The following CLYBL variants were observed in gnomAD, a reference collection of about 807,000 sequenced individuals.
CLYBL encodes the protein citramalyl-CoA lyase.
A neutral mutation model predicts 38.9 loss-of-function variants in CLYBL; 31 were observed. The ratio of observed to expected loss-of-function variants is 0.80; its 90% CI spans 0.60 to 1.08. The LOEUF (loss-of-function observed/expected upper bound fraction) is 1.08, where lower values mean the gene tolerates loss of function less well. Among genes scored for constraint, CLYBL ranks in the 50% least tolerant of loss-of-function variants. The probability of loss-of-function intolerance (pLI) is 0.00; values close to 1 mark genes in which losing one functional copy is unlikely to be tolerated. For missense variants in CLYBL, 434 were observed against 411.6 expected (o/e 1.05, Z -0.47); for synonymous variants, 171 against 158.6 (o/e 1.08, Z -0.59).
chr13:99,743,095 T>C (rs1305512548), intron 1 of CLYBL, among the ~76,000 whole-genome samples: 2 of 151,934 alleles, frequency 1.3e-5, no homozygotes, highest in African/African-American at 2.4e-5. Context: ...ACAGAGAGAT[T>C]GCTGCTGACC....
intron 1 of CLYBL, among the ~76,000 whole-genome samples, chr13:99,679,969 C>T (rs2047710881): frequency 6.6e-6 from 1 of 152,034 alleles, no homozygotes; most frequent in South Asian, 2.1e-4. Context: ...TATTAAATGA[C>T]CATATTACCT....
intron 4 of CLYBL, among the ~76,000 whole-genome samples, chr13:99,864,247 A>G (rs148645614): frequency 8.5e-5 from 13 of 152,304 alleles, no homozygotes; most frequent in Non-Finnish European, 1.8e-4. Context: ...TCCACCTTTC[A>G]AGATTCACGG....
At chr13:99,809,425 C>T (rs2050296745) in intron 2 of CLYBL, among the ~76,000 whole-genome samples, 2 of 152,198 alleles carry the variant, frequency 1.3e-5, no homozygotes, top group African/African-American at 4.8e-5. Context: ...AGTCCAGAGG[C>T]ACTTCATTTG....
chr13:99,708,724 T>C (rs1343332905), intron 1 of CLYBL, among the ~76,000 whole-genome samples: 1 of 152,186 alleles, frequency 6.6e-6, no homozygotes. Context: ...CAAACTCATA[T>C]GTTGAAGTCC....
intron 1 of CLYBL, among the ~76,000 whole-genome samples, chr13:99,691,605 C>CA (rs901748975): frequency 7.0e-6 from 1 of 143,790 alleles, no homozygotes; most frequent in African/African-American, 2.5e-5. Context: ...AACCAAAAAA[C>CA]AAAAAACAAA....
chr13:99,805,313 G>T (rs1464031402), intron 2 of CLYBL, among the ~76,000 whole-genome samples: 2 of 152,058 alleles, frequency 1.3e-5, no homozygotes, highest in Non-Finnish European at 2.9e-5. Context: ...GTAGTTCTTT[G>T]TTTAATTTTT....
chr13:99,729,510 C>G (rs1175700578), intron 1 of CLYBL, among the ~76,000 whole-genome samples: 1 of 152,128 alleles, frequency 6.6e-6, no homozygotes, highest in Non-Finnish European at 1.5e-5. Flanking sequence ...GGCTAAATAT[C>G]TTAGGGGTTT....
Position 99,859,069 on chromosome 13 carries a change from C to T in CLYBL, c.438+20C>T, listed in dbSNP as rs752725860. On this transcript the variant is annotated intron_variant, in intron 3 of 8. Coordinates refer to ENST00000339105, the MANE Select transcript of CLYBL (RefSeq NM_206808.5). ...CAGTGGGTGAGTAGCTAATGCTTTG[C>T]CTTAAGACTCAGGAGCAGCTAAGGA... The T allele has an allele frequency of 1.2e-5, 19 of 1,593,854 alleles. 1 individual carries two copies. The South Asian group carries it at 2.2e-4, about 18-fold the overall frequency.
chr13:99,784,719 G>T, intron 2 of CLYBL, among the ~76,000 whole-genome samples: 1 of 152,030 alleles, frequency 6.6e-6, no homozygotes, highest in East Asian at 1.9e-4. Flanking sequence ...CTCCCGAAGT[G>T]CTGGGATTAT....
chr13:99,855,695 T>C (rs758355731), intron 2 of CLYBL, among the ~76,000 whole-genome samples: 24 of 152,088 alleles, frequency 1.6e-4, no homozygotes, highest in African/African-American at 5.8e-4. Context: ...TAAACTTAAT[T>C]GTTCTTAGAA....
intron 1 of CLYBL, among the ~76,000 whole-genome samples, chr13:99,608,382 ACTT>A (rs1349173882): frequency 2.0e-5 from 3 of 152,048 alleles, no homozygotes; most frequent in African/African-American, 7.2e-5. Flanking sequence ...CTGGGTCTGA[ACTT>A]CTTACGTCTT....
intron 1 of CLYBL, 86 bp downstream of exon 1, chr13:99,606,843 C>A (rs1436157100): frequency 1.5e-6 from 2 of 1,293,802 alleles, no homozygotes; most frequent in South Asian, 2.4e-5. Context: ...CGGGCGCGGC[C>A]TCCCCAAGCC....
intron 2 of CLYBL, among the ~76,000 whole-genome samples, chr13:99,846,614 A>G (rs1413762244): frequency 6.6e-6 from 1 of 152,218 alleles, no homozygotes; most frequent in African/African-American, 2.4e-5. Context: ...GCCCTGCCAC[A>G]CAAGGCAGTG....
rs542898681 is a variant in CLYBL, at chr13:99,707,055, G to A, written c.63-65769G>A. Among the ~76,000 whole-genome samples the A allele has an allele frequency of 1.6e-4, 24 of 152,142 alleles. No homozygotes were observed. In the South Asian group the frequency reaches 4.8e-3, roughly 30 times the overall value. ...TTAAACATATTAGGCATCACACTAA[G>A]CCCCCAAGACAAGATAGAAGCTTAC... On this transcript the variant is annotated intron_variant, in intron 1 of 8. Transcript: ENST00000339105.
intron 1 of CLYBL, among the ~76,000 whole-genome samples, chr13:99,636,482 G>A (rs144731960): frequency 6.6e-6 from 1 of 152,082 alleles, no homozygotes; most frequent in Non-Finnish European, 1.5e-5. Context: ...AGTGCCTTCT[G>A]CACAGGTTCA....
chr13:99,713,334 CTTTTTTTTTT>C (rs759844768), intron 1 of CLYBL, among the ~76,000 whole-genome samples: 9 of 101,670 alleles, frequency 8.9e-5, no homozygotes, highest in South Asian at 6.7e-4. Flanking sequence ...TTCTCTATTT[CTTTTTTTTTT>C]TTTTTTTTTT....
chr13:99,824,235 C>T (rs1245847621), intron 2 of CLYBL, among the ~76,000 whole-genome samples: 1 of 151,324 alleles, frequency 6.6e-6, no homozygotes, highest in Admixed American at 6.6e-5. Context: ...TTTCTACTAG[C>T]TTGAAAGCCT....
rs1290370831 is a variant in CLYBL at position 99,793,059 on chromosome 13, C to CACAT, written c.249+20052_249+20053insTACA. 4.6e-5 allele frequency among the ~76,000 whole-genome samples: 6 copies of CACAT among 129,376 alleles called. No individual in the cohort carries two copies. The East Asian group carries it at 8.1e-4, about 17-fold the overall frequency. The allele number at this position is 129,376 out of a possible 152,430, so 84.9% of individuals were successfully genotyped here. ...ACACACACACACACACACACACACACACACACACAAAGTACGTAGACCTTA... is the reference window on the plus strand; with the variant it reads ...ACACACACACACACACACACACACACACATACACACACAAAGTACGTAGACCTTA... On this transcript the variant is annotated intron_variant, in intron 2 of 8. Transcript: ENST00000339105.
intron 2 of CLYBL, among the ~76,000 whole-genome samples, chr13:99,810,894 G>A (rs1404411524): frequency 1.3e-5 from 2 of 152,068 alleles, no homozygotes; most frequent in African/African-American, 4.8e-5. Context: ...TTTCTTAGAA[G>A]ACCATTCCAG....
Sources: allele counts gnomAD v4.1 joint callset (sites outside exome capture counted in the v4.1 genomes callset), GRCh38; gene constraint gnomAD v4.1.1; transcripts MANE v1.5; gene names NCBI Gene and HGNC (gene_info 2026-07-23, HGNC 2026-07-21).